The following SATB1 variants were observed in gnomAD, a reference collection of about 807,000 sequenced individuals.
The protein encoded by SATB1 is DNA-binding protein SATB1.
A neutral mutation model predicts 86.9 loss-of-function variants in SATB1; 11 were observed. The ratio of observed to expected loss-of-function variants is 0.13; its 90% CI spans 0.08 to 0.21. The LOEUF (loss-of-function observed/expected upper bound fraction) is 0.21, where lower values mean the gene tolerates loss of function less well. Among genes scored for constraint, SATB1 ranks in the 10% least tolerant of loss-of-function variants. The pLI is 1.00. For synonymous variants in SATB1, 357 were observed against 357.2 expected (o/e 1.00, Z 0.01); for missense variants, 551 against 937.6 (o/e 0.59, Z 5.39).
chr3:18,407,421 G>C (rs759821354), intron 5 of SATB1, among the ~76,000 whole-genome samples: 61 of 152,088 alleles, frequency 4.0e-4, no homozygotes, highest in African/African-American at 1.0e-3. Context: ...CATGTAGCCA[G>C]AGAGTTACAT....
At chr3:18,438,476 C>T (rs1227602341) in intron 1 of SATB1, 3 of 152,194 alleles carry the variant, frequency 2.0e-5, no homozygotes, top group African/African-American at 4.8e-5. Flanking sequence ...ACAGAAAGCC[C>T]TCCCCCGAAC....
chr3:18,360,118 G>A (rs763576055), intron 9 of SATB1, among the ~76,000 whole-genome samples: 2 of 152,112 alleles, frequency 1.3e-5, no homozygotes, highest in Non-Finnish European at 2.9e-5. Flanking sequence ...GAGAACCAGT[G>A]TCATCACACA....
chr3:18,387,202 C>T (rs1696388580), intron 7 of SATB1, among the ~76,000 whole-genome samples: 1 of 152,164 alleles, frequency 6.6e-6, no homozygotes, highest in African/African-American at 2.4e-5. Context: ...TTCAATTTAC[C>T]ATTTTCAGAG....
At chr3:18,406,359 A>G (rs1697531866) in intron 5 of SATB1, among the ~76,000 whole-genome samples, 1 of 152,072 alleles carries the variant, frequency 6.6e-6, no homozygotes, top group Non-Finnish European at 1.5e-5. Flanking sequence ...CAACATCAGT[A>G]TCTTTGTCTA....
At chr3:18,422,076 A>G (rs1196092758) in intron 1 of SATB1, among the ~76,000 whole-genome samples, 2 of 152,180 alleles carry the variant, frequency 1.3e-5, no homozygotes, top group East Asian at 3.8e-4. Flanking sequence ...TAGAATTGAT[A>G]AGAACAGGTA....
intron 2 of SATB1, among the ~76,000 whole-genome samples, chr3:18,418,090 T>C (rs1698210659): frequency 6.6e-6 from 1 of 152,162 alleles, no homozygotes; most frequent in Non-Finnish European, 1.5e-5. Flanking sequence ...TGAATTGTAC[T>C]GTGGCAAACT....
upstream of SATB1, chr3:18,425,376 G>C (rs1698641155): frequency 6.4e-6 from 1 of 155,786 alleles, no homozygotes; most frequent in East Asian, 1.9e-4. Context: ...AGGAGGAGGG[G>C]GGAGGAGAGG....
chr3:18,408,995 G>A (rs1697694344), intron 5 of SATB1: 1 of 151,872 alleles, frequency 6.6e-6, no homozygotes, highest in African/African-American at 2.4e-5. Context: ...AAAAAAGAAA[G>A]AGGAAAAATA....
intron 7 of SATB1, among the ~76,000 whole-genome samples, chr3:18,389,634 A>G (rs1696538266): frequency 6.6e-6 from 1 of 152,100 alleles, no homozygotes; most frequent in Non-Finnish European, 1.5e-5. Flanking sequence ...TCTTCATGCT[A>G]AAAAATAGTA....
chr3:18,429,052 C>T (rs1468949720), upstream of SATB1, among the ~76,000 whole-genome samples: 1 of 152,112 alleles, frequency 6.6e-6, no homozygotes, highest in Non-Finnish European at 1.5e-5. The surrounding 1 kb of genome is among the most constrained non-coding windows in gnomAD (Gnocchi z 4.1). Flanking sequence ...TATCTCTACA[C>T]TCTTAAAGCA....
At position 18,415,178 on chromosome 3, in the gene SATB1, T is replaced by C; in HGVS notation, c.572A>G (p.Asn191Ser). 1.2e-6 allele frequency: 2 copies of C among 1,612,978 alleles called. No homozygotes were observed. The highest frequency in any genetic ancestry group is 1.1e-5 in the South Asian group (1 of 91,048). The part of the protein sequence containing the change: ...PEQWSHTTVR[N>S]ALKDLLKDMN... ...ATCTTTCAGTAAGTCCTTCAGAGCATTCCTCACTGTGGTGTGCGACCATTG... is the reference window on the plus strand; with the variant it reads ...ATCTTTCAGTAAGTCCTTCAGAGCACTCCTCACTGTGGTGTGCGACCATTG... The change falls in exon 5 of 11, where the codon AAT (asparagine) becomes AGT (serine). Residue 191 changes from asparagine to serine, a missense_variant. Transcript: ENST00000338745.
intron 9 of SATB1, among the ~76,000 whole-genome samples, chr3:18,366,881 C>A (rs1695213415): frequency 6.6e-6 from 1 of 152,176 alleles, no homozygotes; most frequent in Non-Finnish European, 1.5e-5. Context: ...ACCCCCCAAA[C>A]TAAGCCCTTC....
intron 2 of SATB1, among the ~76,000 whole-genome samples, chr3:18,436,545 A>G (rs1389131338): frequency 6.6e-6 from 1 of 151,930 alleles, no homozygotes; most frequent in Non-Finnish European, 1.5e-5. Flanking sequence ...TATCCAGAAA[A>G]TGAGGCATGT....
chr3:18,367,419 T>C (rs968615256), intron 9 of SATB1, among the ~76,000 whole-genome samples: 4 of 152,182 alleles, frequency 2.6e-5, no homozygotes, highest in African/African-American at 7.2e-5. Context: ...TATGTTTTCA[T>C]GAAGATATGA....
rs1694397423 is a variant in SATB1, at chr3:18,352,136, C to T, written c.1635G>A (p.Leu545=). ...KEDPSPENRT[L]WENLSMIRRF... ...TTCGGATCATGGAGAGGTTCTCCCA[C>T]AGGGTTCTGTTTTCTGGAGAAGGAT... Residue 545 remains leucine, a synonymous_variant, in exon 10 of 11, where the codon CTG becomes CTA. Transcript: ENST00000338745. This position sits in a 1 kb window ranked among gnomAD's most constrained non-coding sequence, Gnocchi z 4.1. The T allele has an allele frequency of 2.5e-6, 4 of 1,614,214 alleles. No homozygotes were observed. The African/African-American group carries it at 5.3e-5, about 22-fold the overall frequency.
chr3:18,359,056 G>C (rs1227287096), intron 9 of SATB1, among the ~76,000 whole-genome samples: 1 of 151,928 alleles, frequency 6.6e-6, no homozygotes, highest in Non-Finnish European at 1.5e-5. Context: ...TTGTGAACTT[G>C]GAAGGAATAC....
intron 9 of SATB1, among the ~76,000 whole-genome samples, chr3:18,371,345 A>C (rs1695471727): frequency 6.6e-6 from 1 of 152,214 alleles, no homozygotes; most frequent in African/African-American, 2.4e-5. Flanking sequence ...ATGTAATTAT[A>C]AATTACAGAG....
At chr3:18,443,419 C>T (rs578215981), upstream of SATB1, among the ~76,000 whole-genome samples, 1 of 152,268 alleles carries the variant, frequency 6.6e-6, no homozygotes, top group African/African-American at 2.4e-5. This position sits in a 1 kb window ranked among gnomAD's most constrained non-coding sequence, Gnocchi z 4.4. Flanking sequence ...CTTGTAAGTC[C>T]GGAATGCCAC....
rs1698356462 is a variant in SATB1, at chr3:18,420,863, C to A, written c.105G>T (p.Gln35His). 6.2e-7 allele frequency: 1 copy of A among 1,614,216 alleles called. No homozygotes were observed. The highest frequency in any genetic ancestry group is 8.5e-7 in the Non-Finnish European group (1 of 1,180,038). The change falls in exon 2 of 11, where the codon CAG becomes CAT. Residue 35 changes from glutamine (Q) to histidine (H), a missense_variant. Gln to His is a conservative substitution (Grantham distance 24, BLOSUM62 0). Coordinates refer to ENST00000338745, the MANE Select transcript of SATB1 (RefSeq NM_002971.6). ...GPPAKIARLE[Q>H]NGSPLGRGRL... ...TTCCTCTTCCTAGCGGGCTCCCGTTCTGCTCCAGGCGGGCAATCTTGGCTG... is the reference window on the plus strand; with the variant it reads ...TTCCTCTTCCTAGCGGGCTCCCGTTATGCTCCAGGCGGGCAATCTTGGCTG...
Sources: allele counts gnomAD v4.1 joint callset (sites outside exome capture counted in the v4.1 genomes callset), GRCh38; gene constraint gnomAD v4.1.1; non-coding constraint Gnocchi (gnomAD v3.1); transcripts MANE v1.5; gene names NCBI Gene and HGNC (gene_info 2026-07-23, HGNC 2026-07-21).